The following GSK3B variants were observed in gnomAD, a reference collection of about 807,000 sequenced individuals.
GSK3B encodes glycogen synthase kinase 3 beta, also known as glycogen synthase kinase-3 beta.
GSK3B carries 15 observed loss-of-function variants against 56.4 expected under a neutral mutation model. The observed-to-expected ratio is 0.27, with a 90% confidence interval of 0.18 to 0.41. The LOEUF (loss-of-function observed/expected upper bound fraction) is 0.41, where lower values mean the gene tolerates loss of function less well. Among genes scored for constraint, GSK3B ranks in the 10% least tolerant of loss-of-function variants. The pLI is 1.00. For missense variants in GSK3B, 300 were observed against 513.4 expected (o/e 0.58, Z 4.02); for synonymous variants, 181 against 188.9 (o/e 0.96, Z 0.34).
intron 3 of GSK3B, among the ~76,000 whole-genome samples, chr3:119,934,771 C>T (rs2056978483): frequency 6.6e-6 from 1 of 151,998 alleles, no homozygotes; most frequent in South Asian, 2.1e-4. Context: ...GAACATGTTC[C>T]AAAATACATA....
At chr3:120,013,588 A>G (rs895625060) in intron 1 of GSK3B, among the ~76,000 whole-genome samples, 1 of 152,232 alleles carries the variant, frequency 6.6e-6, no homozygotes, top group South Asian at 2.1e-4. Flanking sequence ...CAGAAAATTA[A>G]AAGTCTGCAA....
chr3:120,078,149 C>T (rs989541595), intron 1 of GSK3B, among the ~76,000 whole-genome samples: 1 of 152,164 alleles, frequency 6.6e-6, no homozygotes, highest in Non-Finnish European at 1.5e-5. Context: ...CTTCTTCCCC[C>T]ACCCCAACTC....
intron 3 of GSK3B, among the ~76,000 whole-genome samples, chr3:119,933,149 C>T (rs1225463709): frequency 2.0e-5 from 3 of 151,908 alleles, no homozygotes; most frequent in African/African-American, 4.8e-5. Context: ...AAATGGCCAA[C>T]AAAACTGTAG....
intron 1 of GSK3B, among the ~76,000 whole-genome samples, chr3:120,089,313 C>T (rs112740158): frequency 2.6e-5 from 4 of 152,266 alleles, no homozygotes; most frequent in Admixed American, 2.0e-4. Context: ...ATATCTTAAA[C>T]GTTTTAACAA....
chr3:120,055,062 C>T (rs2058181648), intron 1 of GSK3B, among the ~76,000 whole-genome samples: 1 of 152,064 alleles, frequency 6.6e-6, no homozygotes, highest in South Asian at 2.1e-4. Context: ...TCCTTCATTC[C>T]TCCCTCACTT....
At chr3:119,982,202 T>C (rs2057469974) in intron 2 of GSK3B, among the ~76,000 whole-genome samples, 3 of 152,028 alleles carry the variant, frequency 2.0e-5, no homozygotes, top group Admixed American at 2.0e-4. Context: ...CAAAACCCCA[T>C]CTGTAGGTCA....
At chr3:119,950,413 C>A (rs1232018463) in intron 2 of GSK3B, among the ~76,000 whole-genome samples, 3 of 151,902 alleles carry the variant, frequency 2.0e-5, no homozygotes, top group Admixed American at 6.6e-5. Context: ...CAGGGAACTG[C>A]AAATGTAAAA....
intron 1 of GSK3B, among the ~76,000 whole-genome samples, chr3:120,036,623 T>A (rs1352070751): frequency 6.6e-6 from 1 of 151,818 alleles, no homozygotes; most frequent in East Asian, 1.9e-4. Flanking sequence ...CAAAACCCCG[T>A]ATCTACTAAA....
intron 1 of GSK3B, among the ~76,000 whole-genome samples, chr3:120,003,722 G>A (rs552962878): frequency 1.3e-5 from 2 of 152,340 alleles, no homozygotes; most frequent in African/African-American, 4.8e-5. Flanking sequence ...ACAAAAGCCA[G>A]TGAATGTCTG....
chr3:120,032,226 C>T (rs1269999410), intron 1 of GSK3B, among the ~76,000 whole-genome samples: 1 of 152,072 alleles, frequency 6.6e-6, no homozygotes, highest in African/African-American at 2.4e-5. Flanking sequence ...CCCGTAACCC[C>T]AACACTTTGG....
At position 120,059,925 on chromosome 3, in the gene GSK3B, T is replaced by C. The variant is rs546733475; in HGVS notation, c.88+33422A>G. Among the ~76,000 whole-genome samples, 16 of 152,292 alleles carry C rather than the reference T, an allele frequency of 1.1e-4. 1 individual carries two copies. The South Asian group carries it at 2.9e-3, about 28-fold the overall frequency. The stretch of plus-strand genomic sequence containing the variant: ...ATAAATTTCACTTTCATCAACCAAA[T>C]AGAACATCTAATCATTCCACAAATA... On this transcript the variant is annotated intron_variant, in intron 1 of 10. Coordinates refer to ENST00000264235, the MANE Select transcript of GSK3B (RefSeq NM_001146156.2).
chr3:120,014,367 T>C (rs1311121730), intron 1 of GSK3B, among the ~76,000 whole-genome samples: 1 of 151,970 alleles, frequency 6.6e-6, no homozygotes, highest in Non-Finnish European at 1.5e-5. Flanking sequence ...AAAAATTAAT[T>C]AGCAAAGGGA....
At chr3:119,887,143 C>T (rs991256521) in intron 7 of GSK3B, among the ~76,000 whole-genome samples, 1 of 152,002 alleles carries the variant, frequency 6.6e-6, no homozygotes, top group Admixed American at 6.6e-5. Context: ...TTTTAAAATG[C>T]TTTGTGAAAT....
At chr3:120,071,364 A>T (rs561423176) in intron 1 of GSK3B, among the ~76,000 whole-genome samples, 1 of 152,182 alleles carries the variant, frequency 6.6e-6, no homozygotes, top group Non-Finnish European at 1.5e-5. Context: ...TAAACGCTAT[A>T]TATCAGGGGT....
chr3:119,835,248 T>C (rs1054934507), intron 10 of GSK3B, among the ~76,000 whole-genome samples: 4 of 152,240 alleles, frequency 2.6e-5, no homozygotes, highest in Non-Finnish European at 5.9e-5. Context: ...GTGGGGAGTA[T>C]GAACTGACAG....
intron 1 of GSK3B, among the ~76,000 whole-genome samples, chr3:120,012,039 A>T (rs1457147524): frequency 6.6e-6 from 1 of 152,244 alleles, no homozygotes; most frequent in East Asian, 1.9e-4. Context: ...GCTCCAGAGT[A>T]ATAGGAAGTA....
chr3:120,029,909 C>T (rs1420079299), intron 1 of GSK3B: 1 of 545,548 alleles, frequency 1.8e-6, no homozygotes, highest in African/African-American at 1.9e-5. Context: ...GTCCATGATG[C>T]CTGAGAGCCA....
At chr3:119,898,192 T>C (rs1214892492) in intron 7 of GSK3B, among the ~76,000 whole-genome samples, 3 of 152,206 alleles carry the variant, frequency 2.0e-5, no homozygotes, top group Non-Finnish European at 4.4e-5. Context: ...AAACATCTCA[T>C]GTAACCTATT....
At chr3:120,070,995 A>G (rs753657239) in intron 1 of GSK3B, among the ~76,000 whole-genome samples, 11 of 152,206 alleles carry the variant, frequency 7.2e-5, no homozygotes, top group Non-Finnish European at 1.6e-4. Flanking sequence ...TCCTCATTAA[A>G]TGTTTGTTTC....
Sources: gnomAD v4.1 joint callset for allele counts (sites outside exome capture counted in the v4.1 genomes callset) on GRCh38, gnomAD v4.1.1 for gene constraint, MANE v1.5 for transcripts, NCBI Gene and HGNC (gene_info 2026-07-23, HGNC 2026-07-21) for gene names.